PRKN: variants seen among roughly 807,000 people sequenced by gnomAD.
PRKN encodes parkin RBR E3 ubiquitin protein ligase, also known as E3 ubiquitin-protein ligase parkin.
PRKN carries 56 observed loss-of-function variants against 59.5 expected under a neutral mutation model. The ratio of observed to expected loss-of-function variants is 0.94; its 90% CI spans 0.76 to 1.18. PRKN has a LOEUF of 1.18. Among genes scored for constraint, PRKN ranks in the 50% most tolerant of loss-of-function variants. The pLI is 0.00. For synonymous variants in PRKN, 250 were observed against 222.1 expected, an observed-to-expected ratio of 1.13 and a Z score of -1.12; for missense variants, 657 against 596.4, an observed-to-expected ratio of 1.10 and a Z score of -1.06.
chr6:162,239,377 G>A (rs1778890300), intron 3 of PRKN, among the ~76,000 whole-genome samples: 1 of 151,970 alleles, frequency 6.6e-6, no homozygotes, highest in Non-Finnish European at 1.5e-5. Context: ...ATTTTGTAAT[G>A]CAAGATATTT....
rs367794290 is a variant in PRKN at position 161,937,193 on chromosome 6, A to C, written c.734+36109T>G. The stretch of plus-strand genomic sequence containing the variant: ...TGCCAGCAGCCTCAGTTCCTTGGGG[A>C]TGGACTAAACGGCTGCTATCATCAC... On this transcript the variant is annotated intron_variant, in intron 6 of 11. Coordinates refer to ENST00000366898, the MANE Select transcript of PRKN (RefSeq NM_004562.3). Among the ~76,000 whole-genome samples the C allele has an allele frequency of 2.0e-5, 3 of 152,246 alleles. No homozygotes were observed. The East Asian group carries it at 5.8e-4, about 29-fold the overall frequency.
rs904498573 is a variant in PRKN at position 161,428,960 on chromosome 6, A to G, written c.1084-42083T>C. On this transcript the variant is annotated intron_variant, in intron 9 of 11. Coordinates refer to ENST00000366898, the MANE Select transcript of PRKN (RefSeq NM_004562.3). The surrounding 1 kb of genome is among the most constrained non-coding windows in gnomAD (Gnocchi z 4.0). Reference sequence around the variant, plus strand: ...GCCAGGCATACATTCCTGCCCTAAGACTGGAAGGCTGGCAGACCAGCTCAG... The same window carrying G: ...GCCAGGCATACATTCCTGCCCTAAGGCTGGAAGGCTGGCAGACCAGCTCAG... Among the ~76,000 whole-genome samples the G allele has an allele frequency of 1.3e-5, 2 of 152,080 alleles. No individual in the cohort carries two copies. Among genetic ancestry groups the G allele is most frequent in the African/African-American group, 4.8e-5 (2 of 41,408 alleles).
intron 1 of PRKN, among the ~76,000 whole-genome samples, chr6:162,573,965 T>C (rs1780452789): frequency 1.3e-5 from 2 of 152,116 alleles, no homozygotes; most frequent in Non-Finnish European, 2.9e-5. Flanking sequence ...ACTTCAAATT[T>C]TGGTGGGGAA....
chr6:161,435,167 A>C, intron 9 of PRKN, among the ~76,000 whole-genome samples: 1 of 152,202 alleles, frequency 6.6e-6, no homozygotes. Flanking sequence ...ATGAAGGTAA[A>C]TTGGGTGGAA....
chr6:161,596,679 G>A (rs1009378909), intron 7 of PRKN, among the ~76,000 whole-genome samples: 4 of 151,956 alleles, frequency 2.6e-5, no homozygotes, highest in South Asian at 2.1e-4. Flanking sequence ...TAATTAAGTC[G>A]GTGCATTTCT....
chr6:162,524,291 C>T (rs1266849680), intron 1 of PRKN, among the ~76,000 whole-genome samples: 1 of 152,178 alleles, frequency 6.6e-6, no homozygotes, highest in Non-Finnish European at 1.5e-5. Flanking sequence ...AATAAATATT[C>T]AACAAGCATC....
rs1554292014 is a variant in PRKN at position 161,679,684 on chromosome 6, C to CTTT, written c.871+106085_871+106087dup. ...GTTTATAATAGAACCACCCCCCCCC[C>CTTT]TTTTTTTTTTTTAAGAAACAGGATT... On this transcript the variant is annotated intron_variant, in intron 7 of 11. Coordinates refer to ENST00000366898, the MANE Select transcript of PRKN (RefSeq NM_004562.3). Among the ~76,000 whole-genome samples, 97 of 84,862 alleles carry CTTT rather than the reference C, an allele frequency of 1.1e-3. 1 individual carries two copies. Among genetic ancestry groups the CTTT allele is most frequent in the Non-Finnish European group, 2.0e-3 (85 of 42,006 alleles). 55.7% of individuals were successfully genotyped at this position (84,862 alleles called of 152,430 possible).
At chr6:161,869,684 C>T (rs1403010434) in intron 6 of PRKN, among the ~76,000 whole-genome samples, 2 of 152,174 alleles carry the variant, frequency 1.3e-5, no homozygotes, top group African/African-American at 2.4e-5. Flanking sequence ...CCCTCTGCGT[C>T]GTCTTAATCA....
intron 6 of PRKN, among the ~76,000 whole-genome samples, chr6:161,802,753 T>C (rs1256400952): frequency 2.0e-5 from 3 of 152,158 alleles, no homozygotes; most frequent in Non-Finnish European, 4.4e-5. Flanking sequence ...TATAGTAGAT[T>C]TGCCTTCTTA....
chr6:161,819,050 T>C (rs924611234), intron 6 of PRKN, among the ~76,000 whole-genome samples: 12 of 152,172 alleles, frequency 7.9e-5, no homozygotes, highest in African/African-American at 2.9e-4. Flanking sequence ...AAAATGTACA[T>C]TGCATTCAAA....
At chr6:161,911,165 GAGA>G (rs1259864464) in intron 6 of PRKN, among the ~76,000 whole-genome samples, 1 of 152,146 alleles carries the variant, frequency 6.6e-6, no homozygotes, top group Non-Finnish European at 1.5e-5. Context: ...GGAAACTCTA[GAGA>G]AGAAGCCAAG....
rs1779154388 is a variant in PRKN, at chr6:161,530,255, A to T, written c.1083+18599T>A. 6.6e-6 allele frequency among the ~76,000 whole-genome samples: 1 copy of T among 152,222 alleles called. No individual in the cohort carries two copies. Among genetic ancestry groups the T allele is most frequent in the African/African-American group, 2.4e-5 (1 of 41,462 alleles). On this transcript the variant is annotated intron_variant, in intron 9 of 11. Coordinates refer to ENST00000366898, the MANE Select transcript of PRKN (RefSeq NM_004562.3). The surrounding 1 kb of genome is among the most constrained non-coding windows in gnomAD (Gnocchi z 5.0). Reference sequence around the variant, plus strand: ...AGTCCAAAGGAAGGGTTGTAAATTTAGACATTTTTTGAAGATTCACGTGTT... The same window carrying T: ...AGTCCAAAGGAAGGGTTGTAAATTTTGACATTTTTTGAAGATTCACGTGTT...
chr6:162,299,444 A>G (rs1781839748), intron 2 of PRKN, among the ~76,000 whole-genome samples: 1 of 149,880 alleles, frequency 6.7e-6, no homozygotes, highest in Non-Finnish European at 1.5e-5. Flanking sequence ...CTTCTTCGAT[A>G]AAAACAGTCT....
intron 1 of PRKN, among the ~76,000 whole-genome samples, chr6:162,630,975 GA>G (rs1783089314): frequency 6.6e-6 from 1 of 152,082 alleles, no homozygotes; most frequent in Admixed American, 6.6e-5. Flanking sequence ...TGATCAAATT[GA>G]CTAGTATAAC....
intron 1 of PRKN, among the ~76,000 whole-genome samples, chr6:162,499,948 T>C (rs1470942860): frequency 6.6e-6 from 1 of 152,028 alleles, no homozygotes; most frequent in Non-Finnish European, 1.5e-5. Flanking sequence ...CTATAGACAA[T>C]ATCTGAATTA....
intron 2 of PRKN, among the ~76,000 whole-genome samples, chr6:162,312,877 G>A (rs1406909134): frequency 6.6e-6 from 1 of 152,096 alleles, no homozygotes; most frequent in East Asian, 1.9e-4. Flanking sequence ...AGTATCTAGT[G>A]AAGGTAATTT....
intron 6 of PRKN, among the ~76,000 whole-genome samples, chr6:161,806,861 G>C (rs937753274): frequency 5.3e-5 from 8 of 152,194 alleles, no homozygotes; most frequent in Admixed American, 4.6e-4. Flanking sequence ...GCTGTAAAGA[G>C]AGTCACGCAG....
rs1201072520 is a variant in PRKN at position 161,552,573 on chromosome 6, T to C, written c.934-3570A>G. On this transcript the variant is annotated intron_variant, in intron 8 of 11. Transcript: ENST00000366898. This position sits in a 1 kb window ranked among gnomAD's most constrained non-coding sequence, Gnocchi z 4.9. Reference sequence around the variant, plus strand: ...CTTGACCTGTCCAAATCCTTCCACATTGAAAAAAAACAAAAACAAAAAACA... The same window carrying C: ...CTTGACCTGTCCAAATCCTTCCACACTGAAAAAAAACAAAAACAAAAAACA... Among the ~76,000 whole-genome samples, 6 of 151,524 alleles carry C rather than the reference T, an allele frequency of 4.0e-5. No individual in the cohort carries two copies. The highest frequency in any genetic ancestry group is 2.1e-4 in the South Asian group (1 of 4,806).
chr6:162,452,044 CT>C (rs1562775524), intron 1 of PRKN, among the ~76,000 whole-genome samples: 1 of 152,108 alleles, frequency 6.6e-6, no homozygotes, highest in East Asian at 1.9e-4. Context: ...TAAGGGTTAA[CT>C]TCTGGTCAGA....
Sources: allele counts gnomAD v4.1 joint callset (sites outside exome capture counted in the v4.1 genomes callset), GRCh38; gene constraint gnomAD v4.1.1; non-coding constraint Gnocchi (gnomAD v3.1); transcripts MANE v1.5; gene names NCBI Gene and HGNC (gene_info 2026-07-23, HGNC 2026-07-21).